Variants in REL observed in about 807,000 individuals in gnomAD.
REL encodes the protein REL proto-oncogene, NF-kB subunit.
In REL, 15 loss-of-function variants were observed where a neutral mutation model predicts 45.9. That is an observed-to-expected ratio of 0.33 (90% CI 0.22 to 0.50). The LOEUF (loss-of-function observed/expected upper bound fraction) is 0.50, where lower values mean the gene tolerates loss of function less well. Ranked by LOEUF, REL falls within the 20% of genes least tolerant of loss-of-function variation. REL has a pLI of 0.98. For missense variants in REL, 601 were observed against 715.2 expected (o/e 0.84, Z 1.82); for synonymous variants, 239 against 242.1 (o/e 0.99, Z 0.12).
intron 8 of REL, 180 bp downstream of exon 8, chr2:60,920,289 C>G (rs1326449959): frequency 4.8e-6 from 3 of 622,818 alleles, no homozygotes; most frequent in Non-Finnish European, 8.6e-6. Flanking sequence ...GCAACCTCTG[C>G]CCCCCAGGTT....
chr2:60,927,476 T>G lies in REL; in HGVS notation c.*4941T>G, dbSNP rs1008282621. The G allele has an allele frequency of 4.4e-6, 1 of 229,768 alleles. No homozygotes were observed. Among genetic ancestry groups the G allele is most frequent in the Non-Finnish European group, 8.6e-6 (1 of 115,808 alleles). 14.2% of individuals were successfully genotyped at this position (229,768 alleles called of 1,614,324 possible). The stretch of plus-strand genomic sequence containing the variant: ...TATTATGTAGAAATTCTAAAGTTTT[T>G]GGGATTATTTCATAGCCCTGACCTT... On this transcript the variant is annotated 3_prime_UTR_variant, in exon 10 of 10. Transcript: ENST00000394479.
At chr2:60,897,881 A>G (rs1287841466) in intron 3 of REL, among the ~76,000 whole-genome samples, 6 of 144,572 alleles carry the variant, frequency 4.2e-5, no homozygotes, top group Non-Finnish European at 9.1e-5. Flanking sequence ...AAAAAAAAAA[A>G]GCACTTCAAA....
chr2:60,894,851 CTT>C (rs558726227), intron 3 of REL, among the ~76,000 whole-genome samples: 2 of 106,760 alleles, frequency 1.9e-5, no homozygotes, highest in Non-Finnish European at 2.0e-5. Context: ...TTCACTCTGT[CTT>C]TTTTTTTTTT....
rs1185115282 is a variant in REL at position 60,930,743 on chromosome 2, C to T, written c.*8208C>T. The T allele has an allele frequency of 6.6e-6, 1 of 152,242 alleles. No individual in the cohort carries two copies. Among genetic ancestry groups the T allele is most frequent in the Non-Finnish European group, 1.5e-5 (1 of 68,022 alleles). The allele number at this position is 152,242 out of a possible 1,614,324, so 9.4% of individuals were successfully genotyped here. A position where few individuals can be genotyped will look rare whatever the true frequency, so the allele number is the denominator to read the frequency against. ...AAATGTCTGTGGCTTTAGGAAAATA[C>T]CACCAGCTAGTACTTACCTATTTAA... On this transcript the variant is annotated 3_prime_UTR_variant, in exon 10 of 10. Coordinates refer to ENST00000394479, the MANE Select transcript of REL (RefSeq NM_001291746.2).
chr2:60,922,081 T>A lies in REL; in HGVS notation c.1310T>A (p.Ile437Lys). 6.2e-7 allele frequency: 1 copy of A among 1,614,144 alleles called. No individual in the cohort carries two copies. Among genetic ancestry groups the A allele is most frequent in the Non-Finnish European group, 8.5e-7 (1 of 1,179,994 alleles). The change falls in exon 10 of 10, where the codon ATA becomes AAA. Residue 437 changes from isoleucine to lysine, a missense_variant. This residue lies in a region of REL where 334 missense variants were observed against 333.1 expected (regional missense o/e 1.00). Transcript: ENST00000394479. Reference sequence around the variant, plus strand: ...TGCATTTACAACAATGCCGATGACATAGTCGGAATGGAAGCGTCATCCATG... The same window carrying A: ...TGCATTTACAACAATGCCGATGACAAAGTCGGAATGGAAGCGTCATCCATG... ...NACIYNNADD[I>K]VGMEASSMPS...
At position 60,927,816 on chromosome 2, in the gene REL, C is replaced by T. The variant is rs1674301924; in HGVS notation, c.*5281C>T. 4.4e-6 allele frequency: 1 copy of T among 227,676 alleles called. No individual in the cohort carries two copies. Among genetic ancestry groups the T allele is most frequent in the South Asian group, 1.8e-4 (1 of 5,478 alleles). 14.1% of individuals were successfully genotyped at this position (227,676 alleles called of 1,614,324 possible). A position where few individuals can be genotyped will look rare whatever the true frequency, so the allele number is the denominator to read the frequency against. On this transcript the variant is annotated 3_prime_UTR_variant, in exon 10 of 10. Transcript: ENST00000394479. ...ATGTATGTTAACACCCATGTCACCA[C>T]CATGTTTAGGACATTTCCAGCACCC...
intron 1 of REL, among the ~76,000 whole-genome samples, chr2:60,883,894 C>G (rs1227734806): frequency 7.6e-6 from 1 of 131,842 alleles, no homozygotes; most frequent in African/African-American, 2.9e-5. Context: ...TAAAATGGGA[C>G]TATTTAAAAT....
chr2:60,916,345 C>T (rs542950159), intron 4 of REL, among the ~76,000 whole-genome samples: 4 of 152,230 alleles, frequency 2.6e-5, no homozygotes, highest in Admixed American at 1.3e-4. Flanking sequence ...GCCTGGGAGG[C>T]GGAGGTTGAG....
chr2:60,886,726 A>G (rs1322567702), intron 1 of REL, among the ~76,000 whole-genome samples: 1 of 152,106 alleles, frequency 6.6e-6, no homozygotes, highest in Admixed American at 6.5e-5. Context: ...ATAATTTATG[A>G]TCCATTTAAA....
Position 60,922,335 on chromosome 2 carries a change from GTTT to G in REL, c.1567_1569del (p.Phe523del), listed in dbSNP as rs1315201521. On this transcript the variant is annotated inframe_deletion, in exon 10 of 10. Transcript: ENST00000394479. ...AGCAGGCGCCAATTCCAATACTACTGTTTTTGTTTCACAATCAGATGCATTTGA... is the reference window on the plus strand; with the variant it reads ...AGCAGGCGCCAATTCCAATACTACTGTTGTTTCACAATCAGATGCATTTGA... 6.2e-7 allele frequency: 1 copy of G among 1,614,064 alleles called. No individual in the cohort carries two copies. Among genetic ancestry groups the G allele is most frequent in the South Asian group, 1.1e-5 (1 of 91,084 alleles).
chr2:60,921,844 C>T lies in REL; in HGVS notation c.1073C>T (p.Ser358Leu). The T allele has an allele frequency of 6.2e-7, 1 of 1,614,132 alleles. No homozygotes were observed. The highest frequency in any genetic ancestry group is 8.5e-7 in the Non-Finnish European group (1 of 1,180,010). The change falls in exon 10 of 10, where the codon TCA (serine) becomes TTA (leucine). Residue 358 changes from serine to leucine, a missense_variant. This residue lies in a region of REL where 334 missense variants were observed against 333.1 expected (regional missense o/e 1.00). Coordinates refer to ENST00000394479, the MANE Select transcript of REL (RefSeq NM_001291746.2). ...AGTCAAGCAGAATCCTACTATCCCT[C>T]ACCTGGGCCCATCTCAAGTGGATTG... ...VSSQAESYYP[S>L]PGPISSGLSH...
chr2:60,913,859 C>G (rs1673886818), intron 4 of REL, among the ~76,000 whole-genome samples: 1 of 152,154 alleles, frequency 6.6e-6, no homozygotes, highest in African/African-American at 2.4e-5. Context: ...TCTATCATTA[C>G]CAAAGTAGAA....
chr2:60,915,510 T>C (rs989936837), intron 4 of REL, among the ~76,000 whole-genome samples: 1 of 152,232 alleles, frequency 6.6e-6, no homozygotes, highest in Non-Finnish European at 1.5e-5. Flanking sequence ...CTGGGATACT[T>C]ATAAATGTTG....
At chr2:60,889,719 G>T (rs1673160291) in intron 1 of REL, among the ~76,000 whole-genome samples, 1 of 151,842 alleles carries the variant, frequency 6.6e-6, no homozygotes. Flanking sequence ...GCGGTGTTTG[G>T]TTTTTTTGTC....
intron 4 of REL, among the ~76,000 whole-genome samples, chr2:60,908,186 C>G (rs1247568532): frequency 1.3e-5 from 2 of 152,128 alleles, no homozygotes; most frequent in East Asian, 3.8e-4. Flanking sequence ...ATATTAATTT[C>G]ATGCTACTTG....
Position 60,900,895 on chromosome 2 carries a change from C to T in REL, c.303-97C>T, listed in dbSNP as rs555402507. 147 of 1,012,826 alleles carry T rather than the reference C, an allele frequency of 1.5e-4. 1 individual carries two copies. In the Admixed American group the frequency reaches 3.7e-3, roughly 25 times the overall value. The allele number at this position is 1,012,826 out of a possible 1,614,324, so 62.7% of individuals were successfully genotyped here. A position where few individuals can be genotyped will look rare whatever the true frequency, so the allele number is the denominator to read the frequency against. ...CACGTTCATGCTTTGGTATGTACAACTGACAGCATGATAACTTCAGTATTG... is the reference window on the plus strand; with the variant it reads ...CACGTTCATGCTTTGGTATGTACAATTGACAGCATGATAACTTCAGTATTG... On this transcript the variant is annotated intron_variant, in intron 3 of 9. Transcript: ENST00000394479.
intron 1 of REL, among the ~76,000 whole-genome samples, chr2:60,888,178 T>A (rs780675772): frequency 1.9e-4 from 29 of 152,024 alleles, no homozygotes; most frequent in South Asian, 1.2e-3. Context: ...ATCCACCCAC[T>A]TTGGCCTCCC....
Position 60,912,812 on chromosome 2 carries a change from A to C in REL, c.395-4065A>C, listed in dbSNP as rs1413379662. 2.6e-5 allele frequency among the ~76,000 whole-genome samples: 4 copies of C among 152,300 alleles called. No homozygotes were observed. In the East Asian group the frequency reaches 7.7e-4, roughly 29 times the overall value. On this transcript the variant is annotated intron_variant, in intron 4 of 9. Coordinates refer to ENST00000394479, the MANE Select transcript of REL (RefSeq NM_001291746.2). Reference sequence around the variant, plus strand: ...CAGAGCTAAGGAAATATGCGACTTTAGTGTATGACAGAGGTGGCATGTCAT... The same window carrying C: ...CAGAGCTAAGGAAATATGCGACTTTCGTGTATGACAGAGGTGGCATGTCAT...
At chr2:60,907,355 G>A (rs1339209399) in intron 4 of REL, among the ~76,000 whole-genome samples, 2 of 152,092 alleles carry the variant, frequency 1.3e-5, no homozygotes, top group Admixed American at 1.3e-4. Flanking sequence ...TAATTAAAAT[G>A]TGTTAAAAGG....
Sources: gnomAD v4.1 joint callset for allele counts (sites outside exome capture counted in the v4.1 genomes callset) on GRCh38, gnomAD v4.1.1 for gene constraint, gnomAD v4.1.1 regional missense constraint, MANE v1.5 for transcripts, NCBI Gene and HGNC (gene_info 2026-07-23, HGNC 2026-07-21) for gene names.